The following C16orf96 variants were observed in gnomAD, a reference collection of about 807,000 sequenced individuals.
C16orf96 encodes uncharacterized protein C16orf96.
In C16orf96, 108 loss-of-function variants were observed where a neutral mutation model predicts 103.6. The ratio of observed to expected loss-of-function variants is 1.04; its 90% confidence interval spans 0.89 to 1.22. The LOEUF (loss-of-function observed/expected upper bound fraction) is 1.22, where lower values mean the gene tolerates loss of function less well. Among genes scored for constraint, C16orf96 ranks in the 50% most tolerant of loss-of-function variants. C16orf96 has a pLI of 0.00. For missense variants in C16orf96, 1,586 were observed against 1,464.2 expected (o/e 1.08, Z -1.36); for synonymous variants, 566 against 593.5 (o/e 0.95, Z 0.67).
At chr16:4,587,599 C>T in intron 8 of C16orf96, among the ~76,000 whole-genome samples, 1 of 151,324 alleles carries the variant, frequency 6.6e-6, no homozygotes, top group East Asian at 1.9e-4. Flanking sequence ...CACATCAACT[C>T]CCATTTTCAG....
rs1388889335 is a variant in C16orf96, at chr16:4,556,875, A to C, written c.386A>C (p.Lys129Thr). ...QDLWHLIKLR[K>T]MVEGHDEVMA... Reference sequence around the variant, plus strand: ...CTGTGGCATCTGATCAAGCTCCGGAAGATGGTGGAGGGTCATGATGAAGTC... The same window carrying C: ...CTGTGGCATCTGATCAAGCTCCGGACGATGGTGGAGGGTCATGATGAAGTC... The change falls in exon 1 of 16, where the codon AAG becomes ACG. Residue 129 changes from lysine (K) to threonine (T), a missense_variant. Coordinates refer to ENST00000444310, the MANE Select transcript of C16orf96 (RefSeq NM_001145011.2). The C allele has an allele frequency of 1.9e-6, 3 of 1,550,024 alleles. No individual in the cohort carries two copies. The South Asian group carries it at 3.6e-5, about 18-fold the overall frequency.
At chr16:4,592,043 C>G (rs568589328) in intron 10 of C16orf96, among the ~76,000 whole-genome samples, 2 of 152,340 alleles carry the variant, frequency 1.3e-5, no homozygotes, top group African/African-American at 4.8e-5. Context: ...GACCCCCACC[C>G]AGACAGTGCC....
intron 1 of C16orf96, chr16:4,562,707 C>G (rs1265906413): frequency 8.4e-6 from 4 of 474,938 alleles, no homozygotes; most frequent in Non-Finnish European, 1.5e-5. Context: ...TTCTGCAATC[C>G]AAACATATAA....
intron 11 of C16orf96, among the ~76,000 whole-genome samples, chr16:4,592,797 G>A (rs557573561): frequency 1.1e-3 from 169 of 152,264 alleles, no homozygotes; most frequent in African/African-American, 3.9e-3. Context: ...CCAGGAGTTC[G>A]AGGCTGTAGT....
intron 8 of C16orf96, among the ~76,000 whole-genome samples, chr16:4,587,486 C>G (rs1246324912): frequency 6.7e-6 from 1 of 149,084 alleles, no homozygotes; most frequent in Non-Finnish European, 1.5e-5. Context: ...CAAGATCATG[C>G]CATTGCACTC....
Position 4,591,761 on chromosome 16 carries a change from T to C in C16orf96, c.2688T>C (p.Pro896=). The C allele has an allele frequency of 6.4e-7, 1 of 1,551,646 alleles. No homozygotes were observed. Among genetic ancestry groups the C allele is most frequent in the Non-Finnish European group, 8.7e-7 (1 of 1,146,966 alleles). Reference sequence around the variant, plus strand: ...TGATTGAGGGCTTAAGACTGGATCCTGACAGTGCTGCTGGCTTTAGGAGGT... The same window carrying C: ...TGATTGAGGGCTTAAGACTGGATCCCGACAGTGCTGCTGGCTTTAGGAGGT... ...KLLIEGLRLD[P]DSAAGFRRKL... is the part of the protein sequence containing the mutation. Residue 896 remains proline (P), a synonymous_variant, in exon 10 of 16, where the codon CCT becomes CCC. Transcript: ENST00000444310.
intron 14 of C16orf96, among the ~76,000 whole-genome samples, chr16:4,595,753 C>G (rs1246748937): frequency 6.6e-6 from 1 of 152,050 alleles, no homozygotes; most frequent in East Asian, 1.9e-4. Flanking sequence ...GTCGCCCAGG[C>G]TGGAGTGCAG....
rs536036836 is a variant in C16orf96, at chr16:4,557,391, T to C, written c.420+482T>C. On this transcript the variant is annotated intron_variant, in intron 1 of 15. Transcript: ENST00000444310. ...CGCCAAGCTTGCAGCCTCCATCAAG[T>C]ATTGCAAAGAAGCCAGACACAAAAG... Among the ~76,000 whole-genome samples the C allele has an allele frequency of 3.9e-5, 6 of 152,196 alleles. No homozygotes were observed. In the East Asian group the frequency reaches 9.7e-4, roughly 24 times the overall value.
chr16:4,591,790 TGCCCGCCCGA>T lies in C16orf96; in HGVS notation c.2711+11_2711+20del. On this transcript the variant is annotated splice_region_variant and intron_variant, in intron 10 of 15. Transcript: ENST00000444310. The stretch of plus-strand genomic sequence containing the variant: ...AGTGCTGCTGGCTTTAGGAGGTGAG[TGCCCGCCCGA>T]GCCCCTCCTGGTAGGGGTCCTGCTG... 6.6e-6 allele frequency: 10 copies of T among 1,515,996 alleles called. No homozygotes were observed. The highest frequency in any genetic ancestry group is 8.9e-6 in the Non-Finnish European group (10 of 1,128,898). 93.9% of individuals were successfully genotyped at this position (1,515,996 alleles called of 1,614,324 possible). A position where few individuals can be genotyped will look rare whatever the true frequency, so the allele number is the denominator to read the frequency against.
chr16:4,567,550 T>C (rs922684878), intron 1 of C16orf96, among the ~76,000 whole-genome samples: 1 of 151,974 alleles, frequency 6.6e-6, no homozygotes, highest in Non-Finnish European at 1.5e-5. Flanking sequence ...CCCAAAGTGC[T>C]GGGATTACAG....
At chr16:4,545,021 G>C in the C16orf96 span, among the ~76,000 whole-genome samples, 1 of 152,154 alleles carries the variant, frequency 6.6e-6, no homozygotes, top group Non-Finnish European at 1.5e-5. Flanking sequence ...ATGCATAGCA[G>C]GTATTCATAT....
intron 5 of C16orf96, 82 bp downstream of exon 5, chr16:4,576,717 C>T: frequency 7.6e-7 from 1 of 1,323,230 alleles, no homozygotes; most frequent in Non-Finnish European, 1.0e-6. Context: ...CTGTCCTTCA[C>T]TGGGCTCCAC....
intron 1 of C16orf96, 32 bp from the exon 2 acceptor site, chr16:4,571,529 C>A: frequency 6.5e-7 from 1 of 1,535,236 alleles, no homozygotes; most frequent in Admixed American, 2.0e-5. Context: ...CCAGCCATAC[C>A]CGGCTTCACA....
chr16:4,557,394 T>C (rs972489777), intron 1 of C16orf96, among the ~76,000 whole-genome samples: 9 of 152,100 alleles, frequency 5.9e-5, no homozygotes, highest in Admixed American at 3.3e-4. Context: ...CATCAAGTAT[T>C]GCAAAGAAGC....
the C16orf96 span, among the ~76,000 whole-genome samples, chr16:4,550,856 T>G: frequency 6.6e-6 from 1 of 152,210 alleles, no homozygotes; most frequent in Non-Finnish European, 1.5e-5. Context: ...AAATCTTTCT[T>G]TACACGCAGC....
intron 2 of C16orf96, among the ~76,000 whole-genome samples, chr16:4,571,915 T>G (rs1249554448): frequency 6.6e-6 from 1 of 150,840 alleles, no homozygotes; most frequent in African/African-American, 2.4e-5. Context: ...AATGGCATGA[T>G]CTTGGCTCAC....
At position 4,588,290 on chromosome 16, in the gene C16orf96, A is replaced by G; in HGVS notation, c.2551A>G (p.Lys851Glu). 6.4e-7 allele frequency: 1 copy of G among 1,551,736 alleles called. No individual in the cohort carries two copies. Among genetic ancestry groups the G allele is most frequent in the Non-Finnish European group, 8.7e-7 (1 of 1,146,976 alleles). Residue 851 changes from lysine (K) to glutamate (E), a missense_variant, in exon 9 of 16, where the codon AAG becomes GAG. By Grantham distance (56) the Lys-to-Glu change is moderately conservative (BLOSUM62 1). Transcript: ENST00000444310. ...GGTCACGATCCATGAGGACAGCTGGAAGAAGGCTATGGAGGAGCTCAGCAA... is the reference window on the plus strand; with the variant it reads ...GGTCACGATCCATGAGGACAGCTGGGAGAAGGCTATGGAGGAGCTCAGCAA... Reference protein sequence around the residue: ...FKVTIHEDSWKKAMEELSKDV... With the variant: ...FKVTIHEDSWEKAMEELSKDV...
intron 7 of C16orf96, among the ~76,000 whole-genome samples, chr16:4,586,031 A>T (rs557513822): frequency 6.6e-6 from 1 of 152,206 alleles, no homozygotes; most frequent in Admixed American, 6.5e-5. Context: ...AGGCTGAGGC[A>T]GGCGAATCAT....
At chr16:4,561,283 G>A (rs986018638) in intron 1 of C16orf96, 1 of 152,110 alleles carries the variant, frequency 6.6e-6, no homozygotes, top group African/African-American at 2.4e-5. Flanking sequence ...CTCCAGCCTG[G>A]GTGACAAAAG....
Sources: gnomAD v4.1 joint callset for allele counts (sites outside exome capture counted in the v4.1 genomes callset) on GRCh38, gnomAD v4.1.1 for gene constraint, MANE v1.5 for transcripts, NCBI Gene and HGNC (gene_info 2026-07-23, HGNC 2026-07-21) for gene names.